The following SDCCAG8 variants were observed in gnomAD, a reference collection of about 807,000 sequenced individuals.
The protein encoded by SDCCAG8 is serologically defined colon cancer antigen 8.
Under a neutral mutation model 101.8 loss-of-function variants are expected in SDCCAG8, and 74 were observed. The ratio of observed to expected loss-of-function variants is 0.73; its 90% CI spans 0.60 to 0.88. The LOEUF is 0.88. Ranked by LOEUF, SDCCAG8 falls within the 40% of genes least tolerant of loss-of-function variation. SDCCAG8 has a pLI of 0.00. For missense variants in SDCCAG8, 787 were observed against 822.6 expected, an observed-to-expected ratio of 0.96 and a Z score of 0.53; for synonymous variants, 281 against 292.9, an observed-to-expected ratio of 0.96 and a Z score of 0.41.
intron 13 of SDCCAG8, among the ~76,000 whole-genome samples, chr1:243,412,489 C>G (rs1192516219): frequency 6.6e-6 from 1 of 152,210 alleles, no homozygotes; most frequent in Admixed American, 6.5e-5. Context: ...AGTAAGCTGT[C>G]CAACTGGCGG....
chr1:243,489,797 C>T (rs1404856135), intron 17 of SDCCAG8, among the ~76,000 whole-genome samples: 4 of 152,192 alleles, frequency 2.6e-5, no homozygotes, highest in Non-Finnish European at 5.9e-5. Context: ...GGAGGCTAAG[C>T]CTGACTCCAC....
At chr1:243,297,010 C>T (rs1207960703) in intron 6 of SDCCAG8, among the ~76,000 whole-genome samples, 4 of 152,188 alleles carry the variant, frequency 2.6e-5, no homozygotes, top group South Asian at 4.1e-4. Context: ...ATTTACAGCT[C>T]AAAGATTTAT....
chr1:243,374,588 A>G (rs771286049), intron 12 of SDCCAG8, among the ~76,000 whole-genome samples: 1 of 152,146 alleles, frequency 6.6e-6, no homozygotes, highest in Non-Finnish European at 1.5e-5. Context: ...AGAGTTTTAT[A>G]CCCAGCCAAA....
At chr1:243,390,478 A>G (rs2078631238) in intron 13 of SDCCAG8, among the ~76,000 whole-genome samples, 1 of 152,224 alleles carries the variant, frequency 6.6e-6, no homozygotes, top group Non-Finnish European at 1.5e-5. Flanking sequence ...TTGAAGGGCT[A>G]AGAACCCTGG....
At chr1:243,271,736 G>A (rs2068102828) in intron 3 of SDCCAG8, among the ~76,000 whole-genome samples, 1 of 151,958 alleles carries the variant, frequency 6.6e-6, no homozygotes. Flanking sequence ...TAGAGATGGG[G>A]TTTCACCATA....
chr1:243,378,154 C>A (rs2147903172), intron 12 of SDCCAG8, among the ~76,000 whole-genome samples: 1 of 151,670 alleles, frequency 6.6e-6, no homozygotes, highest in Non-Finnish European at 1.5e-5. Context: ...CATACACTCT[C>A]AATGCTTAAA....
At chr1:243,307,871 A>G in intron 7 of SDCCAG8, 118 bp from the exon 8 acceptor site, 1 of 1,556,888 alleles carries the variant, frequency 6.4e-7, no homozygotes, top group Non-Finnish European at 8.6e-7. Flanking sequence ...TTGGACGTAA[A>G]CTAAAGCATA....
At chr1:243,275,443 C>T (rs2068460841) in intron 4 of SDCCAG8, among the ~76,000 whole-genome samples, 1 of 151,998 alleles carries the variant, frequency 6.6e-6, no homozygotes, top group Non-Finnish European at 1.5e-5. Context: ...GATGCAAGGC[C>T]AGTATGTAAC....
intron 3 of SDCCAG8, 22 bp from the exon 4 acceptor site, chr1:243,274,521 A>G: frequency 7.7e-7 from 1 of 1,297,400 alleles, no homozygotes; most frequent in Non-Finnish European, 1.1e-6. Context: ...TTATGTATTT[A>G]TTTATTTATT....
At position 243,453,224 on chromosome 1, in the gene SDCCAG8, T is replaced by C. The variant is rs79443696; in HGVS notation, c.1985+26666T>C. ...TCACAAAATTTGGAGCAGGTTTCGC[T>C]TGGCACTCAGGTGGGCATCTGTCTC... is the stretch of plus-strand genomic sequence containing the variant. On this transcript the variant is annotated intron_variant, in intron 16 of 17. Coordinates refer to ENST00000366541, the MANE Select transcript of SDCCAG8 (RefSeq NM_006642.5). Among the ~76,000 whole-genome samples, 1,373 of 152,256 alleles carry C rather than the reference T, an allele frequency of 9.0e-3. 20 individuals carry two copies. The highest frequency in any genetic ancestry group is 0.031 in the African/African-American group (1,290 of 41,548).
At chr1:243,415,131 T>C (rs1174710680) in intron 13 of SDCCAG8, among the ~76,000 whole-genome samples, 1 of 152,164 alleles carries the variant, frequency 6.6e-6, no homozygotes, top group African/African-American at 2.4e-5. Context: ...GGGGAAGTTA[T>C]TCGTATTCAT....
intron 9 of SDCCAG8, among the ~76,000 whole-genome samples, chr1:243,326,046 G>T (rs1480075647): frequency 2.0e-5 from 3 of 151,902 alleles, no homozygotes; most frequent in Non-Finnish European, 4.4e-5. Flanking sequence ...ATGTGTAAAG[G>T]CCTGAAGGCA....
At chr1:243,444,737 A>G (rs562862845) in intron 16 of SDCCAG8, among the ~76,000 whole-genome samples, 5 of 152,336 alleles carry the variant, frequency 3.3e-5, no homozygotes, top group African/African-American at 1.2e-4. Flanking sequence ...ATTTATTTCC[A>G]CCAATCAATA....
chr1:243,306,186 G>T (rs187573743), intron 7 of SDCCAG8: 1 of 151,064 alleles, frequency 6.6e-6, no homozygotes, highest in Non-Finnish European at 1.5e-5. Context: ...AGATTACCCT[G>T]ATTAGTTTTA....
intron 10 of SDCCAG8, among the ~76,000 whole-genome samples, chr1:243,339,887 C>G (rs528637788): frequency 6.6e-6 from 1 of 152,250 alleles, no homozygotes; most frequent in South Asian, 2.1e-4. Flanking sequence ...CTTGTTTTAA[C>G]AGATAAAAAT....
At chr1:243,328,416 T>C (rs2074364112) in intron 9 of SDCCAG8, among the ~76,000 whole-genome samples, 1 of 152,076 alleles carries the variant, frequency 6.6e-6, no homozygotes, top group South Asian at 2.1e-4. Context: ...GTAGCTGGGA[T>C]TACAGGCACG....
intron 12 of SDCCAG8, among the ~76,000 whole-genome samples, chr1:243,372,857 G>A (rs542921981): frequency 3.2e-4 from 47 of 146,246 alleles, no homozygotes; most frequent in African/African-American, 1.1e-3. Context: ...AATTATCTGG[G>A]TATGGTGACA....
chr1:243,473,700 A>G (rs1661692401), intron 16 of SDCCAG8, among the ~76,000 whole-genome samples: 1 of 152,098 alleles, frequency 6.6e-6, no homozygotes, highest in South Asian at 2.1e-4. Flanking sequence ...AATATGGAGG[A>G]GAAAGCGGGA....
chr1:243,408,943 T>C (rs2079975427), intron 13 of SDCCAG8, among the ~76,000 whole-genome samples: 1 of 152,140 alleles, frequency 6.6e-6, no homozygotes, highest in African/African-American at 2.4e-5. Context: ...AACCCCAGTA[T>C]TAAAGGAAGA....
Sources: gnomAD v4.1 joint callset for allele counts (sites outside exome capture counted in the v4.1 genomes callset) on GRCh38, gnomAD v4.1.1 for gene constraint, MANE v1.5 for transcripts, NCBI Gene and HGNC (gene_info 2026-07-23, HGNC 2026-07-21) for gene names.